Variants in HYAL4 observed in about 807,000 individuals in gnomAD.
The protein encoded by HYAL4 is hyaluronidase 4.
In HYAL4, 37 loss-of-function variants were observed where a neutral mutation model predicts 35.2. The observed-to-expected ratio is 1.05, with a 90% CI of 0.81 to 1.38. HYAL4 has a LOEUF of 1.38. Ranked by LOEUF, HYAL4 falls within the 40% of genes most tolerant of loss-of-function variation. HYAL4 has a pLI of 0.00. For missense variants in HYAL4, 572 were observed against 572.4 expected (o/e 1.00, Z 0.01); for synonymous variants, 198 against 203.2 (o/e 0.97, Z 0.22).
At chr7:123,798,410 C>A in the HYAL4 span, among the ~76,000 whole-genome samples, 1 of 152,120 alleles carries the variant, frequency 6.6e-6, no homozygotes, top group African/African-American at 2.4e-5. Flanking sequence ...AGAGAGATTA[C>A]CTACAATGAT....
chr7:123,825,217 G>A (rs1342484689), upstream of HYAL4, among the ~76,000 whole-genome samples: 3 of 150,536 alleles, frequency 2.0e-5, no homozygotes, highest in East Asian at 1.9e-4. Flanking sequence ...TTTTAACCAC[G>A]TTACATATAA....
the HYAL4 span, among the ~76,000 whole-genome samples, chr7:123,817,975 TCAAGAGACTCTC>T: frequency 6.6e-6 from 1 of 152,018 alleles, no homozygotes; most frequent in African/African-American, 2.4e-5. Flanking sequence ...CCTCCTGAAT[TCAAGAGACTCTC>T]CTGCCTCAGC....
chr7:123,811,156 G>T, the HYAL4 span, among the ~76,000 whole-genome samples: 3 of 152,030 alleles, frequency 2.0e-5, no homozygotes, highest in African/African-American at 7.2e-5. Context: ...AAACATTCTT[G>T]TGCAGATTTT....
intron 3 of HYAL4, 47 bp downstream of exon 3, chr7:123,869,274 A>G (rs987457972): frequency 1.6e-6 from 2 of 1,224,746 alleles, no homozygotes; most frequent in African/African-American, 3.0e-5. Flanking sequence ...CCTTATCTCT[A>G]AAAGGACATT....
At chr7:123,784,037 C>T in the HYAL4 span, among the ~76,000 whole-genome samples, 1 of 152,114 alleles carries the variant, frequency 6.6e-6, no homozygotes, top group Non-Finnish European at 1.5e-5. Context: ...TGTGTACATG[C>T]GTGTGTGTTC....
chr7:123,870,802 A>G (rs1806860836), intron 3 of HYAL4, among the ~76,000 whole-genome samples: 1 of 152,132 alleles, frequency 6.6e-6, no homozygotes, highest in East Asian at 1.9e-4. Context: ...ATCTTTATAA[A>G]ATAATCTTGA....
Position 123,877,028 on chromosome 7 carries a change from G to A in HYAL4, c.1319G>A (p.Gly440Glu). The change falls in exon 5 of 5, where the codon GGA (glycine) becomes GAA (glutamate). Residue 440 changes from glycine (G) to glutamate (E), a missense_variant. Coordinates refer to ENST00000223026, the MANE Select transcript of HYAL4 (RefSeq NM_012269.3). ...ACATTTTCCTGTCATTGTTATCAGG[G>A]ATATGAAGGAGCTGATTGCAGAGAA... ...ADTFSCHCYQ[G>E]YEGADCREIK... 1 of 1,614,204 alleles carries A rather than the reference G, an allele frequency of 6.2e-7. No individual in the cohort carries two copies.
At chr7:123,842,731 G>T (rs1806094501), upstream of HYAL4, among the ~76,000 whole-genome samples, 1 of 151,988 alleles carries the variant, frequency 6.6e-6, no homozygotes, top group Non-Finnish European at 1.5e-5. Context: ...TTGTGGAATT[G>T]ATCCCTTTAC....
the HYAL4 span, among the ~76,000 whole-genome samples, chr7:123,800,850 G>C: frequency 1.3e-5 from 2 of 151,546 alleles, no homozygotes; most frequent in Non-Finnish European, 2.9e-5. Flanking sequence ...TAGCAGAGAC[G>C]GGGTTTTACC....
At chr7:123,853,839 T>A (rs959439715) in intron 2 of HYAL4, among the ~76,000 whole-genome samples, 1 of 152,198 alleles carries the variant, frequency 6.6e-6, no homozygotes, top group East Asian at 1.9e-4. Context: ...AGAATTCGGA[T>A]GTGAATCCTT....
the HYAL4 span, among the ~76,000 whole-genome samples, chr7:123,817,898 G>A: frequency 6.6e-6 from 1 of 151,800 alleles, no homozygotes; most frequent in African/African-American, 2.4e-5. Flanking sequence ...ATTTATTTGA[G>A]ATGGAGTCTC....
chr7:123,872,911 C>T (rs146873534), intron 3 of HYAL4, among the ~76,000 whole-genome samples: 218 of 152,268 alleles, frequency 1.4e-3, no homozygotes, highest in African/African-American at 4.8e-3. Flanking sequence ...AAACATCTGA[C>T]GCTTACATAC....
the HYAL4 span, among the ~76,000 whole-genome samples, chr7:123,782,823 T>A: frequency 1.1e-4 from 16 of 152,162 alleles, no homozygotes; most frequent in African/African-American, 3.9e-4. Context: ...TGTAACTCAT[T>A]TCCTAAATTT....
the HYAL4 span, among the ~76,000 whole-genome samples, chr7:123,807,700 C>G: frequency 6.6e-6 from 1 of 151,006 alleles, no homozygotes; most frequent in African/African-American, 2.4e-5. Flanking sequence ...CTTGGCCTCT[C>G]AAGGTGCTCA....
At chr7:123,862,801 C>T (rs1024008915) in intron 2 of HYAL4, among the ~76,000 whole-genome samples, 2 of 152,204 alleles carry the variant, frequency 1.3e-5, no homozygotes, top group South Asian at 4.1e-4. Flanking sequence ...ACACAGCAGC[C>T]AGAGGAATCC....
At chr7:123,775,739 C>A in the HYAL4 span, among the ~76,000 whole-genome samples, 1 of 152,156 alleles carries the variant, frequency 6.6e-6, no homozygotes, top group Non-Finnish European at 1.5e-5. Context: ...TAGATGTCAT[C>A]TTTCCTGTCA....
At chr7:123,772,672 G>T in the HYAL4 span, among the ~76,000 whole-genome samples, 1 of 152,198 alleles carries the variant, frequency 6.6e-6, no homozygotes, top group African/African-American at 2.4e-5. Flanking sequence ...TGATGCATGT[G>T]GTGTAGAAAT....
At chr7:123,856,986 G>A (rs1806452199) in intron 2 of HYAL4, among the ~76,000 whole-genome samples, 1 of 152,112 alleles carries the variant, frequency 6.6e-6, no homozygotes, top group Non-Finnish European at 1.5e-5. Context: ...TTTACACTTT[G>A]AGGGGAAAAC....
At chr7:123,869,341 G>T in intron 3 of HYAL4, 114 bp downstream of exon 3, 1 of 746,298 alleles carries the variant, frequency 1.3e-6, no homozygotes, top group Non-Finnish European at 2.1e-6. Flanking sequence ...TGTTATATGG[G>T]AGCATAATTC....
Sources: gnomAD v4.1 joint callset for allele counts (sites outside exome capture counted in the v4.1 genomes callset) on GRCh38, gnomAD v4.1.1 for gene constraint, MANE v1.5 for transcripts, NCBI Gene and HGNC (gene_info 2026-07-23, HGNC 2026-07-21) for gene names.